The following ADGRB3 variants were observed in gnomAD, a reference collection of about 807,000 sequenced individuals.
ADGRB3 encodes brain-specific angiogenesis inhibitor 3.
A neutral mutation model predicts 193.4 loss-of-function variants in ADGRB3; 37 were observed. That is an observed-to-expected ratio of 0.19 (90% CI 0.15 to 0.25). The LOEUF (loss-of-function observed/expected upper bound fraction) is 0.25. Ranked by LOEUF, ADGRB3 falls within the 10% of genes least tolerant of loss-of-function variation. The pLI is 1.00. For missense variants in ADGRB3, 1,637 were observed against 1,852.9 expected (o/e 0.88, Z 2.14); for synonymous variants, 690 against 644.2 (o/e 1.07, Z -1.08).
intron 3 of ADGRB3, among the ~76,000 whole-genome samples, chr6:68,900,335 C>G (rs1014159789): frequency 1.1e-4 from 17 of 152,136 alleles, no homozygotes; most frequent in African/African-American, 3.6e-4. Context: ...ACCAGAAGCA[C>G]AGGTCTGTAG....
chr6:69,381,329 T>C (rs897364313), intron 30 of ADGRB3, among the ~76,000 whole-genome samples: 6 of 151,968 alleles, frequency 3.9e-5, no homozygotes, highest in Non-Finnish European at 8.8e-5. Context: ...GCTTGCTATG[T>C]TTCATGTCCC....
chr6:69,006,893 C>T (rs11968368), intron 11 of ADGRB3, among the ~76,000 whole-genome samples: 2,600 of 152,036 alleles, frequency 0.017, 78 homozygotes, highest in African/African-American at 0.059. Flanking sequence ...TTAACCATGA[C>T]TTCATCCCAC....
intron 17 of ADGRB3, among the ~76,000 whole-genome samples, chr6:69,087,321 C>G (rs1772578891): frequency 6.6e-6 from 1 of 152,126 alleles, no homozygotes; most frequent in African/African-American, 2.4e-5. Context: ...AGAAGAATAT[C>G]TGATAATCCA....
In ADGRB3 at chr6:69,292,878, C is replaced by T. The variant is rs188234454; in HGVS notation, c.2815-31994C>T. ...ATGCCATCCCTCCCCCGTCCCCCCA[C>T]CCCACAACAGTCCGCAGAGTTTGAT... On this transcript the variant is annotated intron_variant, in intron 20 of 31. Coordinates refer to ENST00000370598, the MANE Select transcript of ADGRB3 (RefSeq NM_001704.3). Among the ~76,000 whole-genome samples, 235 of 151,414 alleles carry T rather than the reference C, an allele frequency of 1.6e-3. 1 individual carries two copies. Among genetic ancestry groups the T allele is most frequent in the Middle Eastern group, 3.4e-3 (1 of 294 alleles).
intron 17 of ADGRB3, among the ~76,000 whole-genome samples, chr6:69,105,729 G>A (rs1437952554): frequency 6.6e-6 from 1 of 152,158 alleles, no homozygotes; most frequent in Non-Finnish European, 1.5e-5. Context: ...GAAATTGAGG[G>A]CAGGGCAGAT....
intron 17 of ADGRB3, among the ~76,000 whole-genome samples, chr6:69,231,097 G>A (rs1035076761): frequency 5.3e-5 from 8 of 152,116 alleles, no homozygotes; most frequent in South Asian, 2.1e-4. Context: ...CCTGGGGCTC[G>A]GCCAGGTCAG....
At chr6:69,308,778 C>T (rs1768118668) in intron 20 of ADGRB3, among the ~76,000 whole-genome samples, 1 of 151,506 alleles carries the variant, frequency 6.6e-6, no homozygotes, top group African/African-American at 2.4e-5. Flanking sequence ...CAATGTCTAC[C>T]TCAAGATTCA....
intron 17 of ADGRB3, among the ~76,000 whole-genome samples, chr6:69,224,207 C>T (rs892334397): frequency 3.3e-5 from 5 of 151,816 alleles, no homozygotes; most frequent in Non-Finnish European, 7.4e-5. Context: ...CCATTAGAGT[C>T]AGGAAGTGAG....
chr6:68,819,437 T>C (rs1767706003), intron 3 of ADGRB3, among the ~76,000 whole-genome samples: 1 of 151,992 alleles, frequency 6.6e-6, no homozygotes, highest in South Asian at 2.1e-4. Flanking sequence ...TCTTCTTTTG[T>C]CTGCAACTAG....
At chr6:69,157,855 A>G (rs2150343539) in intron 17 of ADGRB3, among the ~76,000 whole-genome samples, 1 of 152,312 alleles carries the variant, frequency 6.6e-6, no homozygotes, top group South Asian at 2.1e-4. Flanking sequence ...AACAGTATGC[A>G]GAATGACTAG....
In ADGRB3 at chr6:69,248,228, A is replaced by G. The variant is rs146187770; in HGVS notation, c.2814+9002A>G. Among the ~76,000 whole-genome samples, 449 of 152,326 alleles carry G rather than the reference A, an allele frequency of 2.9e-3. 1 individual carries two copies. The highest frequency in any genetic ancestry group is 0.01 in the African/African-American group (422 of 41,572). On this transcript the variant is annotated intron_variant, in intron 20 of 31. Transcript: ENST00000370598. Reference sequence around the variant, plus strand: ...CAGAAGTTTGGCTAATGTCAATAGAAGAATCATGTTGGAGTATAGCTGATA... The same window carrying G: ...CAGAAGTTTGGCTAATGTCAATAGAGGAATCATGTTGGAGTATAGCTGATA...
At position 68,993,864 on chromosome 6, in the gene ADGRB3, T is replaced by G; in HGVS notation, c.1831T>G (p.Phe611Val). 5 of 1,613,944 alleles carry G rather than the reference T, an allele frequency of 3.1e-6. No individual in the cohort carries two copies. Among genetic ancestry groups the G allele is most frequent in the African/African-American group, 1.3e-5 (1 of 75,012 alleles). ...TLLDLTQRKNFYAGDLLMSVE... is the reference protein window; with the variant it reads ...TLLDLTQRKNVYAGDLLMSVE... ...GTTGGATTTAACTCAGAGAAAAAAT[T>G]TCTATGCAGGCGATCTTCTGATGTC... Residue 611 changes from phenylalanine (F) to valine (V), a missense_variant, in exon 11 of 32, where the codon TTC becomes GTC. By Grantham distance (50) the Phe-to-Val change is conservative. This residue lies in a region of ADGRB3 where 641 missense variants were observed against 673.9 expected (regional missense o/e 0.95). Transcript: ENST00000370598.
At chr6:69,382,760 ATATTAAATCTCTC>A in intron 30 of ADGRB3, 58 bp from the exon 31 acceptor site, 1 of 1,174,966 alleles carries the variant, frequency 8.5e-7, no homozygotes, top group Non-Finnish European at 1.2e-6. Flanking sequence ...TAAAGCAAAA[ATATTAAATCTCTC>A]TTGTTTGAAA....
intron 17 of ADGRB3, among the ~76,000 whole-genome samples, chr6:69,132,089 G>A (rs755423352): frequency 6.6e-6 from 1 of 152,072 alleles, no homozygotes; most frequent in Non-Finnish European, 1.5e-5. Flanking sequence ...ATAAACATAC[G>A]AGTGTATGTG....
At chr6:68,919,966 A>G (rs1766990036) in intron 3 of ADGRB3, among the ~76,000 whole-genome samples, 1 of 152,194 alleles carries the variant, frequency 6.6e-6, no homozygotes, top group African/African-American at 2.4e-5. Flanking sequence ...CAGGGGCTCA[A>G]TTATCATAGA....
In ADGRB3 at chr6:69,210,149, CATATATATA is replaced by C. The variant is rs1166633815; in HGVS notation, c.2481-23140_2481-23132del. On this transcript the variant is annotated intron_variant, in intron 17 of 31. Transcript: ENST00000370598. ...ATATATATCATATATTAATATATAT[CATATATATA>C]TATATATATATAAAGGGGAGTTTAT... 2.3e-4 allele frequency among the ~76,000 whole-genome samples: 18 copies of C among 78,932 alleles called. 1 individual carries two copies. The highest frequency in any genetic ancestry group is 1.1e-3 in the African/African-American group (18 of 15,874). 51.8% of individuals were successfully genotyped at this position (78,932 alleles called of 152,430 possible). A position where few individuals can be genotyped will look rare whatever the true frequency, so the allele number is the denominator to read the frequency against.
At chr6:69,343,791 A>C (rs1379040617) in intron 26 of ADGRB3, among the ~76,000 whole-genome samples, 1 of 152,202 alleles carries the variant, frequency 6.6e-6, no homozygotes, top group Non-Finnish European at 1.5e-5. Flanking sequence ...TTTTAGCAAC[A>C]GAACCTAAAT....
chr6:69,267,372 T>A (rs1767070682), intron 20 of ADGRB3, among the ~76,000 whole-genome samples: 2 of 152,038 alleles, frequency 1.3e-5, no homozygotes, highest in South Asian at 4.1e-4. Context: ...CAAGACAGAT[T>A]TGAAGGGAGT....
At chr6:68,931,469 A>C (rs1767336409) in intron 4 of ADGRB3, among the ~76,000 whole-genome samples, 1 of 152,078 alleles carries the variant, frequency 6.6e-6, no homozygotes, top group African/African-American at 2.4e-5. Context: ...AAGTGTTTCA[A>C]CTTTGTTATG....
Sources: allele counts gnomAD v4.1 joint callset (sites outside exome capture counted in the v4.1 genomes callset), GRCh38; gene constraint gnomAD v4.1.1; regional missense constraint gnomAD v4.1.1; transcripts MANE v1.5; gene names NCBI Gene and HGNC (gene_info 2026-07-23, HGNC 2026-07-21).